SLC4A10: variants seen among roughly 807,000 people sequenced by gnomAD.
The protein encoded by SLC4A10 is solute carrier family 4 member 10, also known as sodium-driven chloride bicarbonate exchanger.
SLC4A10 carries 42 observed loss-of-function variants against 137.7 expected under a neutral mutation model. The observed-to-expected ratio is 0.30, with a 90% CI of 0.24 to 0.39. The LOEUF (loss-of-function observed/expected upper bound fraction) is 0.39. Ranked by LOEUF, SLC4A10 falls within the 10% of genes least tolerant of loss-of-function variation. SLC4A10 has a pLI of 1.00. For missense variants in SLC4A10, 925 were observed against 1,355.0 expected, an observed-to-expected ratio of 0.68 and a Z score of 4.98; for synonymous variants, 474 against 464.1, an observed-to-expected ratio of 1.02 and a Z score of -0.27.
intron 2 of SLC4A10, among the ~76,000 whole-genome samples, chr2:161,799,299 T>C (rs541150175): frequency 2.0e-5 from 3 of 151,910 alleles, no homozygotes; most frequent in Non-Finnish European, 4.4e-5. Flanking sequence ...TGTCAAGTCA[T>C]TTTAGAACAA....
chr2:161,645,197 C>T (rs2035867182), intron 1 of SLC4A10, among the ~76,000 whole-genome samples: 1 of 148,656 alleles, frequency 6.7e-6, no homozygotes, highest in Admixed American at 6.8e-5. Flanking sequence ...TATTGACATC[C>T]ACGTGTTGGA....
chr2:161,659,934 T>A (rs2105687387), intron 1 of SLC4A10, among the ~76,000 whole-genome samples: 1 of 152,046 alleles, frequency 6.6e-6, no homozygotes, highest in East Asian at 1.9e-4. Context: ...TCAATTTATA[T>A]GAAATGTCCA....
chr2:161,656,066 C>A (rs556947714), intron 1 of SLC4A10, among the ~76,000 whole-genome samples: 18 of 152,216 alleles, frequency 1.2e-4, no homozygotes, highest in Non-Finnish European at 2.2e-4. Flanking sequence ...ACCCCCTCGG[C>A]CTCCCAAAGT....
chr2:161,632,358 C>T (rs530219392), intron 1 of SLC4A10, among the ~76,000 whole-genome samples: 2 of 151,584 alleles, frequency 1.3e-5, no homozygotes, highest in African/African-American at 2.4e-5. Context: ...TGGGAATAAA[C>T]CTCTCCAAAT....
chr2:161,796,999 A>G (rs1575013097), intron 2 of SLC4A10, among the ~76,000 whole-genome samples: 1 of 152,130 alleles, frequency 6.6e-6, no homozygotes, highest in South Asian at 2.1e-4. Context: ...TTTAATTAAG[A>G]TGAGATTGGG....
Position 161,904,787 on chromosome 2 carries a change from A to G in SLC4A10, c.1629A>G (p.Glu543=). The change falls in exon 14 of 27, where the codon GAA becomes GAG. Residue 543 remains glutamate (E), a synonymous_variant. Coordinates refer to ENST00000446997, the MANE Select transcript of SLC4A10 (RefSeq NM_001178015.2). ...EATEGRISAI[E]SLFGASMTGI... is the part of the protein sequence containing the mutation. Reference sequence around the variant, plus strand: ...ATATCTCTACACAGAGTGCAATTGAATCTCTCTTTGGAGCATCCATGACCG... The same window carrying G: ...ATATCTCTACACAGAGTGCAATTGAGTCTCTCTTTGGAGCATCCATGACCG... 6.2e-7 allele frequency: 1 copy of G among 1,613,916 alleles called. No individual in the cohort carries two copies. Among genetic ancestry groups the G allele is most frequent in the Non-Finnish European group, 8.5e-7 (1 of 1,179,846 alleles).
chr2:161,796,451 A>G (rs62190671), intron 2 of SLC4A10, among the ~76,000 whole-genome samples: 15,769 of 152,234 alleles, frequency 0.1, 857 homozygotes, highest in East Asian at 0.15. Flanking sequence ...TGATCCAGCC[A>G]GCTAGGCTGG....
intron 1 of SLC4A10, among the ~76,000 whole-genome samples, chr2:161,701,355 A>G (rs924181404): frequency 3.8e-4 from 58 of 152,008 alleles, no homozygotes; most frequent in African/African-American, 1.4e-3. Flanking sequence ...AGCTTTCATA[A>G]CTATCACTTT....
At chr2:161,949,016 T>G in intron 17 of SLC4A10, 132 bp from the exon 18 acceptor site, 1 of 559,478 alleles carries the variant, frequency 1.8e-6, no homozygotes, top group Non-Finnish European at 3.1e-6. Flanking sequence ...GGTAATCTTA[T>G]AGTATGCATA....
At chr2:161,630,472 A>G (rs1030607064) in intron 1 of SLC4A10, among the ~76,000 whole-genome samples, 4 of 151,672 alleles carry the variant, frequency 2.6e-5, no homozygotes, top group South Asian at 2.1e-4. Context: ...GATTGTAGAG[A>G]TCAACTGGAG....
intron 4 of SLC4A10, among the ~76,000 whole-genome samples, chr2:161,851,925 T>C (rs2059855298): frequency 3.9e-5 from 6 of 152,198 alleles, no homozygotes; most frequent in Admixed American, 3.9e-4. Flanking sequence ...GATCTCACTC[T>C]ATCAGCCAGG....
chr2:161,977,766 A>T lies in SLC4A10; in HGVS notation c.*26+6A>T. ...TAGAAGCTGATTCCCCAAAGGTAAG[A>T]CCCTCTCCCTCAAATCTATTCCTTG... On this transcript the variant is annotated splice_donor_region_variant and intron_variant, in intron 26 of 26. Transcript: ENST00000446997. The T allele has an allele frequency of 6.3e-7, 1 of 1,581,864 alleles. No individual in the cohort carries two copies. Among genetic ancestry groups the T allele is most frequent in the Non-Finnish European group, 8.6e-7 (1 of 1,168,154 alleles).
rs1576011553 is a variant in SLC4A10, at chr2:161,983,321, A to G, written c.*169A>G. The G allele has an allele frequency of 7.3e-7, 1 of 1,367,264 alleles. No homozygotes were observed. Among genetic ancestry groups the G allele is most frequent in the East Asian group, 2.5e-5 (1 of 40,066 alleles). The allele number at this position is 1,367,264 out of a possible 1,614,324, so 84.7% of individuals were successfully genotyped here. ...ATTAATAAAACTGCTTTGATCATGT[A>G]TTGTAAATTCTGTCCCTCAACCCAA... On this transcript the variant is annotated 3_prime_UTR_variant, in exon 27 of 27. Transcript: ENST00000446997.
intron 3 of SLC4A10, among the ~76,000 whole-genome samples, chr2:161,822,507 T>C (rs2057706772): frequency 6.6e-6 from 1 of 152,196 alleles, no homozygotes; most frequent in Non-Finnish European, 1.5e-5. Flanking sequence ...TTTAAATGGC[T>C]ATTCAAAGTA....
intron 1 of SLC4A10, among the ~76,000 whole-genome samples, chr2:161,767,844 A>T (rs1402304358): frequency 6.6e-6 from 1 of 152,068 alleles, no homozygotes; most frequent in Non-Finnish European, 1.5e-5. Flanking sequence ...AAACAAGGCC[A>T]CCTAGTAGAA....
chr2:161,834,526 G>GTAAATGCTT (rs2058640189), intron 3 of SLC4A10, among the ~76,000 whole-genome samples: 1 of 152,054 alleles, frequency 6.6e-6, no homozygotes, highest in Admixed American at 6.6e-5. Flanking sequence ...TCAAACTGTG[G>GTAAATGCTT]TAAATGCTTT....
intron 15 of SLC4A10, among the ~76,000 whole-genome samples, chr2:161,928,585 A>T (rs1380068637): frequency 6.7e-6 from 1 of 149,796 alleles, no homozygotes; most frequent in Non-Finnish European, 1.5e-5. Context: ...AAAAAAAAAC[A>T]AACTTCTCAA....
intron 12 of SLC4A10, among the ~76,000 whole-genome samples, chr2:161,902,620 T>C (rs1044467879): frequency 3.9e-5 from 6 of 152,144 alleles, no homozygotes; most frequent in African/African-American, 1.4e-4. Flanking sequence ...TTCTCAACCC[T>C]CTCCTACTCC....
intron 3 of SLC4A10, among the ~76,000 whole-genome samples, chr2:161,817,000 T>G (rs2057139609): frequency 6.6e-6 from 1 of 152,186 alleles, no homozygotes; most frequent in African/African-American, 2.4e-5. Flanking sequence ...TACCCAGTAA[T>G]GGGATTGTTG....
Sources: gnomAD v4.1 joint callset for allele counts (sites outside exome capture counted in the v4.1 genomes callset) on GRCh38, gnomAD v4.1.1 for gene constraint, MANE v1.5 for transcripts, NCBI Gene and HGNC (gene_info 2026-07-23, HGNC 2026-07-21) for gene names.